LRRN2: variants seen among roughly 807,000 people sequenced by gnomAD.
LRRN2 encodes the protein leucine rich repeat neuronal 2.
A neutral mutation model predicts 35.7 loss-of-function variants in LRRN2; 10 were observed. The observed-to-expected ratio is 0.28, with a 90% CI of 0.17 to 0.47. The LOEUF (loss-of-function observed/expected upper bound fraction) is 0.47. Ranked by LOEUF, LRRN2 falls within the 20% of genes least tolerant of loss-of-function variation. The probability of loss-of-function intolerance (pLI) is 0.99; values close to 1 mark genes in which losing one functional copy is unlikely to be tolerated. For missense variants in LRRN2, 731 were observed against 940.3 expected (o/e 0.78, Z 2.91); for synonymous variants, 391 against 409.6 (o/e 0.95, Z 0.55).
At chr1:204,622,152 T>TGCA (rs1666939079) in intron 1 of LRRN2, 1 of 167,224 alleles carries the variant, frequency 6.0e-6, no homozygotes, top group South Asian at 2.1e-4. Flanking sequence ...GCCCTGGGCC[T>TGCA]CTGGAGGGTC....
chr1:204,683,589 A>C (rs1043890990), intron 1 of LRRN2, among the ~76,000 whole-genome samples: 1 of 152,168 alleles, frequency 6.6e-6, no homozygotes, highest in Non-Finnish European at 1.5e-5. Flanking sequence ...CTGAGATCTT[A>C]CTGCCACTCG....
chr1:204,618,291 C>T lies in LRRN2; in HGVS notation c.1702G>A (p.Gly568Arg), dbSNP rs137967644. Residue 568 changes from glycine (G) to arginine (R), a missense_variant, in exon 2 of 2, where the codon GGG becomes AGG. Physicochemically the swap from Gly to Arg is moderately radical, Grantham distance 125. Coordinates refer to ENST00000367177, the MANE Select transcript of LRRN2 (RefSeq NM_201630.2). ...WSSASSLRGQ[G>R]ATALARLPRG... ...GGCAGGCGGGCCAGAGCTGTGGCCCCCTGGCCCCGGAGGGAGGAGGCACTG... is the reference window on the plus strand; with the variant it reads ...GGCAGGCGGGCCAGAGCTGTGGCCCTCTGGCCCCGGAGGGAGGAGGCACTG... The T allele has an allele frequency of 3.7e-6, 6 of 1,601,016 alleles. No homozygotes were observed. The African/African-American group carries it at 6.7e-5, about 18-fold the overall frequency.
At chr1:204,634,817 A>G (rs12144762) in intron 1 of LRRN2, among the ~76,000 whole-genome samples, 11,966 of 152,272 alleles carry the variant, frequency 0.079, 613 homozygotes, top group Non-Finnish European at 0.12. Context: ...CCTGAGTTCT[A>G]GTTCCTGCTC....
chr1:204,663,109 AC>A (rs1668504345), intron 1 of LRRN2, among the ~76,000 whole-genome samples: 1 of 151,980 alleles, frequency 6.6e-6, no homozygotes, highest in African/African-American at 2.4e-5. Context: ...CTCCCCTCCA[AC>A]CCCCATTTGG....
Position 204,618,236 on chromosome 1 carries a change from C to T in LRRN2, c.1757G>A (p.Arg586His), listed in dbSNP as rs199540948. 2.6e-4 allele frequency: 423 copies of T among 1,613,264 alleles called. No homozygotes were observed. Among genetic ancestry groups the T allele is most frequent in the Non-Finnish European group, 3.3e-4 (395 of 1,179,732 alleles). Residue 586 changes from arginine to histidine, a missense_variant, in exon 2 of 2, where the codon CGC becomes CAC. Physicochemically the swap from Arg to His is conservative, Grantham distance 29. Transcript: ENST00000367177. The stretch of plus-strand genomic sequence containing the variant: ...CCAGTACTCCGTGGCCTGAAGGAGG[C>T]GGGTAATGTTGTAGCTGTGGGTTCC... ...PRGTHSYNIT[R>H]LLQATEYWAC...
chr1:204,632,456 C>G (rs1390260771), intron 1 of LRRN2, among the ~76,000 whole-genome samples: 1 of 151,326 alleles, frequency 6.6e-6, no homozygotes, highest in East Asian at 1.9e-4. Flanking sequence ...AAGGTGAAAC[C>G]CCGACTCAAT....
intron 1 of LRRN2, among the ~76,000 whole-genome samples, chr1:204,638,886 C>T (rs771854709): frequency 1.3e-5 from 2 of 152,166 alleles, no homozygotes; most frequent in Admixed American, 6.5e-5. Flanking sequence ...GCTAGTGGGA[C>T]GCCACCCCCA....
intron 1 of LRRN2, among the ~76,000 whole-genome samples, chr1:204,642,409 C>A (rs557519847): frequency 6.6e-6 from 1 of 152,164 alleles, no homozygotes; most frequent in African/African-American, 2.4e-5. Flanking sequence ...GTGCCAGGAG[C>A]TACTCTTTGA....
rs147014865 is a variant in LRRN2 at position 204,683,847 on chromosome 1, G to A, written c.-227+1473C>T. On this transcript the variant is annotated intron_variant, in intron 1 of 1. Coordinates refer to ENST00000367177, the MANE Select transcript of LRRN2 (RefSeq NM_201630.2). ...CTAGCTCTGCCCTTCTGTTTCCATC[G>A]TTTCGCCACAACAGCACCTGGCCAG... Among the ~76,000 whole-genome samples the A allele has an allele frequency of 1.3e-3, 191 of 152,270 alleles. 1 individual carries two copies. Among genetic ancestry groups the A allele is most frequent in the African/African-American group, 4.3e-3 (180 of 41,554 alleles).
chr1:204,617,963 G>A lies in LRRN2; in HGVS notation c.2030C>T (p.Pro677Leu). 1 of 1,613,962 alleles carries A rather than the reference G, an allele frequency of 6.2e-7. No homozygotes were observed. Among genetic ancestry groups the A allele is most frequent in the African/African-American group, 1.3e-5 (1 of 75,048 alleles). ...PAWAFWGWSA[P>L]SVRVVSAPLV... Reference sequence around the variant, plus strand: ...GGGAGCAGACACAACCCGGACAGAAGGGGCACTCCAGCCCCAGAAAGCCCA... The same window carrying A: ...GGGAGCAGACACAACCCGGACAGAAAGGGCACTCCAGCCCCAGAAAGCCCA... Residue 677 changes from proline to leucine, a missense_variant, in exon 2 of 2, where the codon CCT (proline) becomes CTT (leucine). Pro to Leu is a moderately conservative substitution (Grantham distance 98). This residue lies in a region of LRRN2 where 229 missense variants were observed against 258.4 expected (regional missense o/e 0.89). Coordinates refer to ENST00000367177, the MANE Select transcript of LRRN2 (RefSeq NM_201630.2).
At chr1:204,663,250 T>C (rs1293340816) in intron 1 of LRRN2, among the ~76,000 whole-genome samples, 1 of 152,196 alleles carries the variant, frequency 6.6e-6, no homozygotes, top group Non-Finnish European at 1.5e-5. Flanking sequence ...CTCATGGACC[T>C]GGAGCATATC....
intron 1 of LRRN2, among the ~76,000 whole-genome samples, chr1:204,644,033 C>G (rs1286511194): frequency 6.6e-6 from 1 of 152,116 alleles, no homozygotes; most frequent in Non-Finnish European, 1.5e-5. Flanking sequence ...TAGTATCTAG[C>G]ATGCAACAGG....
chr1:204,660,033 CTT>C (rs1668437963), intron 1 of LRRN2, among the ~76,000 whole-genome samples: 1 of 152,240 alleles, frequency 6.6e-6, no homozygotes, highest in Non-Finnish European at 1.5e-5. Context: ...CTCCTTGACA[CTT>C]TACCAAGAAC....
chr1:204,638,287 G>A (rs974257421), intron 1 of LRRN2, among the ~76,000 whole-genome samples: 2 of 151,492 alleles, frequency 1.3e-5, no homozygotes, highest in African/African-American at 4.9e-5. Flanking sequence ...CTGTGATTTT[G>A]TGCACCATTT....
At chr1:204,621,654 A>G (rs1188540335) in intron 1 of LRRN2, 1 of 167,130 alleles carries the variant, frequency 6.0e-6, no homozygotes, top group African/African-American at 2.4e-5. Context: ...CCCTGCAATC[A>G]ACAATGCAAG....
chr1:204,679,309 C>G (rs1331462949), intron 1 of LRRN2, among the ~76,000 whole-genome samples: 1 of 152,232 alleles, frequency 6.6e-6, no homozygotes, highest in Non-Finnish European at 1.5e-5. Context: ...GTCATTCCCC[C>G]TTCTGGGCAT....
At chr1:204,648,517 C>T (rs537707312) in intron 1 of LRRN2, among the ~76,000 whole-genome samples, 44 of 152,280 alleles carry the variant, frequency 2.9e-4, no homozygotes, top group South Asian at 1.0e-3. Context: ...AAGAAGCAAC[C>T]GCTGCATACC....
intron 1 of LRRN2, among the ~76,000 whole-genome samples, chr1:204,657,401 T>C (rs2102615034): frequency 6.6e-6 from 1 of 151,384 alleles, no homozygotes; most frequent in East Asian, 2.0e-4. Context: ...AATGCAATAA[T>C]ATTCAACTAC....
intron 1 of LRRN2, among the ~76,000 whole-genome samples, chr1:204,684,441 G>T (rs1212760161): frequency 6.6e-6 from 1 of 152,166 alleles, no homozygotes; most frequent in Non-Finnish European, 1.5e-5. Context: ...GGAGCACAGT[G>T]CTACCCCCGG....
Sources: gnomAD v4.1 joint callset for allele counts (sites outside exome capture counted in the v4.1 genomes callset) on GRCh38, gnomAD v4.1.1 for gene constraint, gnomAD v4.1.1 regional missense constraint, MANE v1.5 for transcripts, NCBI Gene and HGNC (gene_info 2026-07-23, HGNC 2026-07-21) for gene names.